Variants in CFAP221 observed in about 807,000 individuals in gnomAD.
CFAP221 encodes the protein cilia and flagella associated protein 221.
In CFAP221, 97 loss-of-function variants were observed where a neutral mutation model predicts 113.1. That is an observed-to-expected ratio of 0.86 (90% confidence interval 0.73 to 1.02). The LOEUF (loss-of-function observed/expected upper bound fraction) is 1.02, where lower values mean the gene tolerates loss of function less well. Among genes scored for constraint, CFAP221 ranks in the 50% least tolerant of loss-of-function variants. CFAP221 has a pLI of 0.00. For missense variants in CFAP221, 1,025 were observed against 1,013.4 expected, an observed-to-expected ratio of 1.01 and a Z score of -0.16; for synonymous variants, 331 against 354.4, an observed-to-expected ratio of 0.93 and a Z score of 0.74.
chr2:119,581,038 C>T (rs1222139679), intron 6 of CFAP221: 1 of 152,212 alleles, frequency 6.6e-6, no homozygotes, highest in Non-Finnish European at 1.5e-5. Context: ...GCCATGTTAC[C>T]TGCTGGCCCA....
At chr2:119,549,803 A>C in intron 3 of CFAP221, among the ~76,000 whole-genome samples, 1 of 152,210 alleles carries the variant, frequency 6.6e-6, no homozygotes, top group Non-Finnish European at 1.5e-5. Flanking sequence ...ACTGAAGAAC[A>C]GGCTCCTGAA....
At position 119,546,174 on chromosome 2, in the gene CFAP221, A is replaced by G. The variant is rs1035652894; in HGVS notation, c.43A>G (p.Lys15Glu). The G allele has an allele frequency of 9.8e-6, 15 of 1,535,908 alleles. No homozygotes were observed. In the East Asian group the frequency reaches 3.7e-4, roughly 38 times the overall value. ...CCCCAGCAGAGGACTAAAGAATGCTAAAGAACCCTTTAATAATGCATCACC... is the reference window on the plus strand; with the variant it reads ...CCCCAGCAGAGGACTAAAGAATGCTGAAGAACCCTTTAATAATGCATCACC... ...KTPSRGLKNA[K>E]EPFNNASPHL... Residue 15 changes from lysine to glutamate, a missense_variant, in exon 2 of 24, where the codon AAA becomes GAA. Coordinates refer to ENST00000413369, the MANE Select transcript of CFAP221 (RefSeq NM_001271049.2).
intron 21 of CFAP221, among the ~76,000 whole-genome samples, chr2:119,645,786 C>T (rs976830043): frequency 6.6e-6 from 1 of 152,162 alleles, no homozygotes; most frequent in Admixed American, 6.5e-5. Flanking sequence ...TGTTTCCTTC[C>T]GAGTGGGCTC....
chr2:119,610,238 G>A (rs780794406), intron 12 of CFAP221, among the ~76,000 whole-genome samples: 6 of 152,134 alleles, frequency 3.9e-5, no homozygotes, highest in Non-Finnish European at 7.4e-5. Context: ...CAGCCCAGAC[G>A]CCCTGGAATA....
At chr2:119,569,949 T>C (rs559389018) in intron 6 of CFAP221, among the ~76,000 whole-genome samples, 2 of 152,376 alleles carry the variant, frequency 1.3e-5, no homozygotes, top group East Asian at 3.9e-4. Flanking sequence ...ATAGTTGTTT[T>C]AAATTCCCTG....
downstream of CFAP221, among the ~76,000 whole-genome samples, chr2:119,658,253 A>T (rs572422657): frequency 5.1e-4 from 77 of 152,268 alleles, no homozygotes; most frequent in Non-Finnish European, 9.4e-4. Context: ...CATTTATTTT[A>T]TTATATAGGT....
intron 14 of CFAP221, among the ~76,000 whole-genome samples, chr2:119,624,251 C>G (rs1023182117): frequency 2.6e-5 from 4 of 152,098 alleles, no homozygotes; most frequent in Non-Finnish European, 4.4e-5. Flanking sequence ...TTTATGTGGC[C>G]AACAAACATA....
intron 15 of CFAP221, among the ~76,000 whole-genome samples, chr2:119,626,685 A>G (rs183926765): frequency 6.6e-6 from 1 of 152,244 alleles, no homozygotes; most frequent in African/African-American, 2.4e-5. Flanking sequence ...TGTAATCCCA[A>G]TACTTTGAGA....
intron 12 of CFAP221, among the ~76,000 whole-genome samples, chr2:119,609,987 T>C (rs998879535): frequency 6.6e-6 from 1 of 152,234 alleles, no homozygotes; most frequent in African/African-American, 2.4e-5. Context: ...ACATATTAGA[T>C]GTGCATTTAA....
At chr2:119,565,917 G>T (rs1253582152) in intron 6 of CFAP221, among the ~76,000 whole-genome samples, 1 of 152,192 alleles carries the variant, frequency 6.6e-6, no homozygotes. Flanking sequence ...TGGGTGGGCT[G>T]TTTATTCAGT....
intron 14 of CFAP221, among the ~76,000 whole-genome samples, chr2:119,618,963 G>A (rs113195674): frequency 1.6e-4 from 25 of 152,288 alleles, no homozygotes; most frequent in African/African-American, 6.0e-4. Context: ...TGTAAACAAA[G>A]CCACCAGCAA....
rs970924943 is a variant in CFAP221 at position 119,590,565 on chromosome 2, C to T, written c.631+3343C>T. ...CCAATCATCCCATCTCAGCTGGGCT[C>T]AGCCATACTCTTGGCCATACCTGCC... On this transcript the variant is annotated intron_variant, in intron 7 of 23. Coordinates refer to ENST00000413369, the MANE Select transcript of CFAP221 (RefSeq NM_001271049.2). Among the ~76,000 whole-genome samples the T allele has an allele frequency of 2.0e-5, 3 of 152,352 alleles. No homozygotes were observed. In the South Asian group the frequency reaches 6.2e-4, roughly 32 times the overall value.
intron 6 of CFAP221, among the ~76,000 whole-genome samples, chr2:119,571,507 G>A (rs1050377490): frequency 2.0e-5 from 3 of 151,470 alleles, no homozygotes; most frequent in African/African-American, 7.3e-5. Context: ...CAGGCTAGAG[G>A]GCAGTGTCAG....
At chr2:119,627,052 A>T (rs903152537) in intron 15 of CFAP221, among the ~76,000 whole-genome samples, 7 of 151,792 alleles carry the variant, frequency 4.6e-5, no homozygotes, top group Non-Finnish European at 1.0e-4. Context: ...CTCCCAATAC[A>T]TATATTCCCA....
intron 3 of CFAP221, among the ~76,000 whole-genome samples, chr2:119,554,948 C>T (rs191870208): frequency 6.6e-6 from 1 of 152,150 alleles, no homozygotes; most frequent in Admixed American, 6.5e-5. Flanking sequence ...TTTGAAGGGT[C>T]GGGACCCACT....
chr2:119,606,876 T>C (rs1157383739), intron 11 of CFAP221, among the ~76,000 whole-genome samples: 2 of 152,070 alleles, frequency 1.3e-5, no homozygotes, highest in African/African-American at 4.8e-5. Flanking sequence ...TTATGACACA[T>C]ACACTTCCCC....
At chr2:119,640,067 GA>G (rs1353651989) in intron 21 of CFAP221, among the ~76,000 whole-genome samples, 195 bp downstream of exon 21, 16 of 152,286 alleles carry the variant, frequency 1.1e-4, no homozygotes, top group African/African-American at 3.6e-4. Flanking sequence ...ACACTTCTTT[GA>G]AAAGTAATGT....
intron 7 of CFAP221, among the ~76,000 whole-genome samples, chr2:119,591,764 C>T (rs1294769929): frequency 6.6e-6 from 1 of 152,218 alleles, no homozygotes; most frequent in African/African-American, 2.4e-5. Context: ...CTCAGCCTCT[C>T]ACCCTGCTGG....
chr2:119,638,153 G>C (rs1687226832), intron 19 of CFAP221, 106 bp from the exon 20 acceptor site: 1 of 1,194,780 alleles, frequency 8.4e-7, no homozygotes, highest in Non-Finnish European at 1.2e-6. Context: ...GAGTCACAGA[G>C]TGTTAGTGCT....
Sources: allele counts gnomAD v4.1 joint callset (sites outside exome capture counted in the v4.1 genomes callset), GRCh38; gene constraint gnomAD v4.1.1; transcripts MANE v1.5; gene names NCBI Gene and HGNC (gene_info 2026-07-23, HGNC 2026-07-21).